Variants in CACNG6 observed in about 807,000 individuals in gnomAD.
CACNG6 encodes the protein calcium voltage-gated channel auxiliary subunit gamma 6, also known as voltage-dependent calcium channel gamma-6 subunit.
CACNG6 carries 21 observed loss-of-function variants against 23.9 expected under a neutral mutation model. That is an observed-to-expected ratio of 0.88 (90% CI 0.62 to 1.26). The LOEUF (loss-of-function observed/expected upper bound fraction) is 1.26. Ranked by LOEUF, CACNG6 falls within the 50% of genes most tolerant of loss-of-function variation. CACNG6 has a pLI of 0.00. For synonymous variants in CACNG6, 182 were observed against 168.9 expected (o/e 1.08, Z -0.60); for missense variants, 340 against 352.9 (o/e 0.96, Z 0.29).
intron 3 of CACNG6, among the ~76,000 whole-genome samples, chr19:54,002,288 T>TG (rs1348489742): frequency 1.6e-4 from 23 of 146,278 alleles, no homozygotes; most frequent in African/African-American, 3.4e-4. Context: ...TTTTTTGTTT[T>TG]TTTTTTTTTT....
chr19:53,999,855 C>G (rs1222057922), intron 3 of CACNG6, 84 bp downstream of exon 3: 1 of 1,520,224 alleles, frequency 6.6e-7, no homozygotes, highest in Non-Finnish European at 8.9e-7. Context: ...GATGGGGTCT[C>G]TATGCACTGT....
intron 3 of CACNG6, among the ~76,000 whole-genome samples, chr19:54,000,733 C>T (rs1265655369): frequency 6.6e-6 from 1 of 152,092 alleles, no homozygotes; most frequent in African/African-American, 2.4e-5. Flanking sequence ...CAGGCACCAC[C>T]ACGCCTGGCT....
chr19:54,009,219 G>T (rs960966292), intron 3 of CACNG6, among the ~76,000 whole-genome samples: 1 of 151,898 alleles, frequency 6.6e-6, no homozygotes, highest in Non-Finnish European at 1.5e-5. Flanking sequence ...TCAGAAGTTC[G>T]AGACCAGCCT....
chr19:54,011,433 A>C (rs2069712355), intron 3 of CACNG6, among the ~76,000 whole-genome samples: 1 of 30,890 alleles, frequency 3.2e-5, no homozygotes, highest in African/African-American at 2.1e-4. Context: ...TCCGTCTCAA[A>C]AAAAAAAAAA....
intron 3 of CACNG6, among the ~76,000 whole-genome samples, chr19:54,005,653 T>G (rs1293083503): frequency 2.0e-5 from 3 of 151,634 alleles, no homozygotes; most frequent in Non-Finnish European, 4.4e-5. Flanking sequence ...CTAAGGAGGC[T>G]GAGGCAGGGG....
At chr19:54,002,265 C>T (rs1026710990) in intron 3 of CACNG6, among the ~76,000 whole-genome samples, 3 of 128,090 alleles carry the variant, frequency 2.3e-5, no homozygotes, top group African/African-American at 3.5e-5. Context: ...GGCTAATTTT[C>T]GGTTTTTTTG....
rs4022332 is a variant in CACNG6, at chr19:54,004,335, TTGTGTGTGTGTGTGTGTGTG to T, written c.544+4602_544+4621del. ...ACCACGCCTGGTTAATTTTGTATTT[TTGTGTGTGTGTGTGTGTGTG>T]TGTGTGTGTGTGTGTGTGTGTGTGT... On this transcript the variant is annotated intron_variant, in intron 3 of 3. Coordinates refer to ENST00000252729, the MANE Select transcript of CACNG6 (RefSeq NM_145814.2). 3.7e-3 allele frequency among the ~76,000 whole-genome samples: 400 copies of T among 107,326 alleles called. 2 individuals are homozygous for T. The highest frequency in any genetic ancestry group is 0.032 in the Middle Eastern group (7 of 218). The allele number at this position is 107,326 out of a possible 152,430, so 70.4% of individuals were successfully genotyped here.
chr19:54,007,773 G>A (rs981280212), intron 3 of CACNG6, among the ~76,000 whole-genome samples: 51 of 149,078 alleles, frequency 3.4e-4, no homozygotes, highest in South Asian at 8.5e-4. Context: ...AGCTTGCGAT[G>A]TAGTCCCAGC....
At position 54,011,982 on chromosome 19, in the gene CACNG6, C is replaced by T. The variant is rs779446783; in HGVS notation, c.576C>T (p.Phe192=). 1 of 1,585,734 alleles carries T rather than the reference C, an allele frequency of 6.3e-7. No homozygotes were observed. The highest frequency in any genetic ancestry group is 1.1e-5 in the South Asian group (1 of 87,476). The change falls in exon 4 of 4, where the codon TTC becomes TTT. Residue 192 remains phenylalanine, a synonymous_variant. Transcript: ENST00000252729. ...TGCTCTTGGTGAGCCTGGAGGTGTT[C>T]CGGCATTCCGTGAGGGCCCTGCTGC... The part of the protein sequence containing the change: ...GLLLLVSLEV[F]RHSVRALLQR...
rs1265224129 is a variant in CACNG6, at chr19:54,011,965, G to C, written c.559G>C (p.Val187Leu). 1.9e-6 allele frequency: 3 copies of C among 1,541,728 alleles called. No homozygotes were observed. Among genetic ancestry groups the C allele is most frequent in the Non-Finnish European group, 2.6e-6 (3 of 1,147,242 alleles). The change falls in exon 4 of 4, where the codon GTG (valine) becomes CTG (leucine). Residue 187 changes from valine (V) to leucine (L), a missense_variant. By Grantham distance (32) the Val-to-Leu change is conservative. Coordinates refer to ENST00000252729, the MANE Select transcript of CACNG6 (RefSeq NM_145814.2). The stretch of plus-strand genomic sequence containing the variant: ...CTCTCCCGCAGGCCTGCTGCTCTTG[G>C]TGAGCCTGGAGGTGTTCCGGCATTC... Reference protein sequence around the residue: ...CFGLSGLLLLVSLEVFRHSVR... With the variant: ...CFGLSGLLLLLSLEVFRHSVR...
chr19:54,011,944 C>G lies in CACNG6; in HGVS notation c.545-7C>G, dbSNP rs201421758. ...CGTCTGACTGCGAGCTGTCCTCTCT[C>G]CCGCAGGCCTGCTGCTCTTGGTGAG... On this transcript the variant is annotated splice_region_variant and splice_polypyrimidine_tract_variant and intron_variant, in intron 3 of 3. Transcript: ENST00000252729. 2 of 1,491,118 alleles carry G rather than the reference C, an allele frequency of 1.3e-6. No homozygotes were observed. Among genetic ancestry groups the G allele is most frequent in the African/African-American group, 1.4e-5 (1 of 69,902 alleles). 92.4% of individuals were successfully genotyped at this position (1,491,118 alleles called of 1,614,324 possible).
chr19:54,006,124 T>TAAATAAATAAATA (rs1555819036), intron 3 of CACNG6, among the ~76,000 whole-genome samples: 1 of 35,476 alleles, frequency 2.8e-5, no homozygotes, highest in Non-Finnish European at 9.3e-5. Context: ...ATAAATAAAA[T>TAAATAAATAAATA]AAGAAAGAAA....
chr19:54,009,090 AC>A (rs1213125989), intron 3 of CACNG6, among the ~76,000 whole-genome samples: 3 of 152,250 alleles, frequency 2.0e-5, no homozygotes, highest in African/African-American at 7.2e-5. Flanking sequence ...GGAGTTCTAG[AC>A]CAGCCTGGCC....
Position 54,011,227 on chromosome 19 carries a change from T to TAC in CACNG6, c.545-706_545-705dup, listed in dbSNP as rs1555819814. On this transcript the variant is annotated intron_variant, in intron 3 of 3. Coordinates refer to ENST00000252729, the MANE Select transcript of CACNG6 (RefSeq NM_145814.2). ...AAAAATATATATATATATATATATA[T>TAC]ACACACACACACACACACAAAAATT... Among the ~76,000 whole-genome samples the TAC allele has an allele frequency of 9.6e-3, 911 of 95,122 alleles. 37 individuals are homozygous for TAC. Among genetic ancestry groups the TAC allele is most frequent in the African/African-American group, 0.031 (535 of 17,202 alleles). The allele number at this position is 95,122 out of a possible 152,430, so 62.4% of individuals were successfully genotyped here. A position where few individuals can be genotyped will look rare whatever the true frequency, so the allele number is the denominator to read the frequency against.
intron 3 of CACNG6, among the ~76,000 whole-genome samples, chr19:54,001,396 C>G (rs778717245): frequency 1.3e-5 from 2 of 151,996 alleles, no homozygotes; most frequent in Non-Finnish European, 2.9e-5. Flanking sequence ...ATCATGTTGA[C>G]CAGGCTGGTC....
intron 3 of CACNG6, among the ~76,000 whole-genome samples, chr19:54,007,687 A>G (rs3901593): frequency 0.026 from 3,925 of 152,006 alleles, 75 homozygotes; most frequent in Non-Finnish European, 0.042. Flanking sequence ...GTTTGAGGCC[A>G]GGAGTTTGAG....
chr19:54,008,334 CAG>C (rs2069668988), intron 3 of CACNG6, among the ~76,000 whole-genome samples: 1 of 152,142 alleles, frequency 6.6e-6, no homozygotes, highest in Non-Finnish European at 1.5e-5. Flanking sequence ...GCCTGGATGA[CAG>C]AGTGAGATTC....
At chr19:54,009,534 T>C (rs1457886956) in intron 3 of CACNG6, among the ~76,000 whole-genome samples, 4 of 151,940 alleles carry the variant, frequency 2.6e-5, no homozygotes, top group African/African-American at 9.7e-5. Flanking sequence ...GAGAATCGCT[T>C]GAACCTGGGA....
Position 54,012,108 on chromosome 19 carries a change from G to T in CACNG6, c.702G>T (p.Gly234=), listed in dbSNP as rs1223196571. 9 of 1,572,842 alleles carry T rather than the reference G, an allele frequency of 5.7e-6. No individual in the cohort carries two copies. The Admixed American group carries it at 1.7e-4, about 29-fold the overall frequency. ...GGGCCGGCCTGATCCTGCTGTTGGG[G>T]GCCGGCTGCTTTCTGCTGCTCACAC... ...GVGAGLILLL[G]AGCFLLLTLP... The change falls in exon 4 of 4, where the codon GGG becomes GGT. Residue 234 remains glycine, a synonymous_variant. Coordinates refer to ENST00000252729, the MANE Select transcript of CACNG6 (RefSeq NM_145814.2).
Sources: gnomAD v4.1 joint callset for allele counts (sites outside exome capture counted in the v4.1 genomes callset) on GRCh38, gnomAD v4.1.1 for gene constraint, MANE v1.5 for transcripts, NCBI Gene and HGNC (gene_info 2026-07-23, HGNC 2026-07-21) for gene names.